Variants in KCNH5 observed in about 807,000 individuals in gnomAD.
KCNH5 encodes the protein potassium voltage-gated channel subfamily H member 5.
In KCNH5, 46 loss-of-function variants were observed where a neutral mutation model predicts 96.1. The observed-to-expected ratio is 0.48, with a 90% CI of 0.38 to 0.61. The LOEUF (loss-of-function observed/expected upper bound fraction) is 0.61. KCNH5 is among the 20% of genes least tolerant of loss of function. The probability of loss-of-function intolerance (pLI) is 0.00; values close to 1 mark genes in which losing one functional copy is unlikely to be tolerated. For missense variants in KCNH5, 907 were observed against 1,225.8 expected, an observed-to-expected ratio of 0.74 and a Z score of 3.88; for synonymous variants, 439 against 449.8, an observed-to-expected ratio of 0.98 and a Z score of 0.30.
In KCNH5 at chr14:62,900,092, A is replaced by G. The variant is rs189913507; in HGVS notation, c.1369+50041T>C. On this transcript the variant is annotated intron_variant, in intron 7 of 10. Transcript: ENST00000322893. ...ATGTTTCAGTCTGCAAACTTGTAGG[A>G]CCATCTGAGGAAGAAATAGAAATCC... Among the ~76,000 whole-genome samples the G allele has an allele frequency of 4.6e-5, 7 of 152,336 alleles. No homozygotes were observed. In the East Asian group the frequency reaches 1.2e-3, roughly 25 times the overall value.
At chr14:62,914,466 A>T (rs1461519963) in intron 7 of KCNH5, among the ~76,000 whole-genome samples, 2 of 152,346 alleles carry the variant, frequency 1.3e-5, no homozygotes, top group East Asian at 3.9e-4. Flanking sequence ...TTCATTAAAA[A>T]GGAGGGTGGA....
chr14:62,995,376 T>C (rs1213852545), intron 4 of KCNH5, among the ~76,000 whole-genome samples: 1 of 152,106 alleles, frequency 6.6e-6, no homozygotes, highest in Non-Finnish European at 1.5e-5. Flanking sequence ...GCTGGCAGAA[T>C]TTTTATCAAT....
At chr14:62,904,770 G>C (rs1369195009) in intron 7 of KCNH5, among the ~76,000 whole-genome samples, 1 of 152,154 alleles carries the variant, frequency 6.6e-6, no homozygotes, top group Non-Finnish European at 1.5e-5. Context: ...GTGACTTGGG[G>C]TGTACTTCTC....
intron 7 of KCNH5, among the ~76,000 whole-genome samples, chr14:62,887,411 G>A (rs926579115): frequency 2.0e-5 from 3 of 152,146 alleles, no homozygotes; most frequent in African/African-American, 7.2e-5. Context: ...GTATTTGAAG[G>A]CTATATGATG....
In KCNH5 at chr14:63,026,330, A is replaced by G. The variant is rs144053652; in HGVS notation, c.74-9376T>C. ...CAAAGATTTTTTGGGTCTGACTTCA[A>G]TAGCACAGGTAACTAAAGCAGAAAT... On this transcript the variant is annotated intron_variant, in intron 1 of 10. Transcript: ENST00000322893. Among the ~76,000 whole-genome samples, 182 of 152,228 alleles carry G rather than the reference A, an allele frequency of 1.2e-3. 1 individual carries two copies. The highest frequency in any genetic ancestry group is 7.2e-4 in the Non-Finnish European group (49 of 67,946).
At chr14:62,757,920 T>C (rs1595609246) in intron 10 of KCNH5, among the ~76,000 whole-genome samples, 1 of 151,996 alleles carries the variant, frequency 6.6e-6, no homozygotes, top group Middle Eastern at 3.2e-3. Context: ...CTACGGTGGG[T>C]GGATCACCTG....
intron 7 of KCNH5, among the ~76,000 whole-genome samples, chr14:62,930,399 G>A (rs1029271908): frequency 6.6e-6 from 1 of 152,080 alleles, no homozygotes; most frequent in East Asian, 1.9e-4. Flanking sequence ...TTTCATTGCT[G>A]CTCAGCCAGC....
At chr14:62,970,610 A>T (rs1022401868) in intron 6 of KCNH5, among the ~76,000 whole-genome samples, 3 of 152,198 alleles carry the variant, frequency 2.0e-5, no homozygotes, top group Non-Finnish European at 2.9e-5. Flanking sequence ...TATTTGATTT[A>T]AAAAAATTTA....
chr14:62,776,078 C>T (rs1036551651), intron 10 of KCNH5, among the ~76,000 whole-genome samples: 1 of 152,052 alleles, frequency 6.6e-6, no homozygotes, highest in East Asian at 1.9e-4. Context: ...ACCAGCCTGA[C>T]CAACATGGTG....
intron 7 of KCNH5, among the ~76,000 whole-genome samples, chr14:62,926,179 G>T (rs1037278224): frequency 1.3e-5 from 2 of 152,128 alleles, no homozygotes; most frequent in African/African-American, 4.8e-5. Context: ...GGATAGGCTT[G>T]CATCAGCTCT....
chr14:62,939,640 T>G (rs1211125700), intron 7 of KCNH5, among the ~76,000 whole-genome samples: 1 of 152,192 alleles, frequency 6.6e-6, no homozygotes, highest in Non-Finnish European at 1.5e-5. Context: ...AAACATTTTT[T>G]AAAGTTTCAG....
chr14:62,742,728 A>G (rs1226627061), intron 10 of KCNH5, among the ~76,000 whole-genome samples: 1 of 151,962 alleles, frequency 6.6e-6, no homozygotes, highest in African/African-American at 2.4e-5. Context: ...GAAGGACTGC[A>G]GGCAACATGG....
rs12897460 is a variant in KCNH5 at position 62,957,474 on chromosome 14, G to C, written c.943-6915C>G. Among the ~76,000 whole-genome samples, 116 of 152,278 alleles carry C rather than the reference G, an allele frequency of 7.6e-4. 1 individual carries two copies. Among genetic ancestry groups the C allele is most frequent in the Middle Eastern group, 3.4e-3 (1 of 294 alleles). Reference sequence around the variant, plus strand: ...ATTCTCACAATACAATGTTCTGGTAGATTGTTTCAAAAACATAGCTGTGTT... The same window carrying C: ...ATTCTCACAATACAATGTTCTGGTACATTGTTTCAAAAACATAGCTGTGTT... On this transcript the variant is annotated intron_variant, in intron 6 of 10. Coordinates refer to ENST00000322893, the MANE Select transcript of KCNH5 (RefSeq NM_139318.5).
At chr14:62,944,392 C>T in intron 7 of KCNH5, among the ~76,000 whole-genome samples, 1 of 152,010 alleles carries the variant, frequency 6.6e-6, no homozygotes, top group Middle Eastern at 3.2e-3. Context: ...ACAAGTGGTG[C>T]TTCTTAGACA....
At chr14:62,925,062 G>T (rs894339853) in intron 7 of KCNH5, among the ~76,000 whole-genome samples, 1 of 151,768 alleles carries the variant, frequency 6.6e-6, no homozygotes, top group African/African-American at 2.4e-5. Flanking sequence ...ACATCAATCT[G>T]CACATTTTAT....
At chr14:62,790,426 A>G (rs1234331485) in intron 9 of KCNH5, among the ~76,000 whole-genome samples, 1 of 151,698 alleles carries the variant, frequency 6.6e-6, no homozygotes, top group Non-Finnish European at 1.5e-5. Context: ...TGTGTTCTCT[A>G]TTTCTTTAAA....
intron 6 of KCNH5, among the ~76,000 whole-genome samples, chr14:62,964,212 A>T (rs1403956294): frequency 5.3e-5 from 8 of 152,100 alleles, no homozygotes; most frequent in Admixed American, 5.2e-4. Context: ...GTCTAGGGCC[A>T]TACATTAGGT....
At chr14:62,991,603 G>T (rs539467303) in intron 4 of KCNH5, among the ~76,000 whole-genome samples, 3 of 152,100 alleles carry the variant, frequency 2.0e-5, no homozygotes, top group Admixed American at 6.6e-5. Flanking sequence ...CAAAGCAAAT[G>T]AATGTTTTGG....
Position 62,969,926 on chromosome 14 carries a change from G to A in KCNH5, c.942+10946C>T, listed in dbSNP as rs115519135. The stretch of plus-strand genomic sequence containing the variant: ...AGATACAAAAAATTAGCCAGGCGTG[G>A]TGGCATGCGCCTGTAGCATGAGAAT... On this transcript the variant is annotated intron_variant, in intron 6 of 10. Transcript: ENST00000322893. 5.6e-3 allele frequency among the ~76,000 whole-genome samples: 846 copies of A among 150,120 alleles called. 8 individuals carry two copies. The highest frequency in any genetic ancestry group is 0.02 in the African/African-American group (806 of 40,946).
Sources: gnomAD v4.1 joint callset for allele counts (sites outside exome capture counted in the v4.1 genomes callset) on GRCh38, gnomAD v4.1.1 for gene constraint, MANE v1.5 for transcripts, NCBI Gene and HGNC (gene_info 2026-07-23, HGNC 2026-07-21) for gene names.